Variants in OPCML observed in about 807,000 individuals in gnomAD.
OPCML encodes the protein opioid-binding protein/cell adhesion molecule.
Under a neutral mutation model 37.8 loss-of-function variants are expected in OPCML, and 13 were observed. The ratio of observed to expected loss-of-function variants is 0.34; its 90% CI spans 0.22 to 0.55. OPCML has a LOEUF of 0.55. Ranked by LOEUF, OPCML falls within the 20% of genes least tolerant of loss-of-function variation. The pLI is 0.91. For missense variants in OPCML, 341 were observed against 435.6 expected, an observed-to-expected ratio of 0.78 and a Z score of 1.93; for synonymous variants, 176 against 168.8, an observed-to-expected ratio of 1.04 and a Z score of -0.33.
At chr11:132,799,022 G>A (rs1295087002) in intron 2 of OPCML, among the ~76,000 whole-genome samples, 1 of 152,000 alleles carries the variant, frequency 6.6e-6, no homozygotes, top group Non-Finnish European at 1.5e-5. Flanking sequence ...AGTAGATTTA[G>A]CATAAATCTT....
In OPCML at chr11:132,594,342, G is replaced by T. The variant is rs532585774; in HGVS notation, c.379+62745C>A. Among the ~76,000 whole-genome samples, 8 of 152,252 alleles carry T rather than the reference G, an allele frequency of 5.3e-5. No individual in the cohort carries two copies. The South Asian group carries it at 6.2e-4, about 12-fold the overall frequency. On this transcript the variant is annotated intron_variant, in intron 3 of 7. Transcript: ENST00000524381. ...CATGCAGTCCTGGAGCAGATATGGA[G>T]ATATTGCTATCCGATGCTGTCAATA... is the stretch of plus-strand genomic sequence containing the variant.
chr11:133,212,515 C>T lies in OPCML; in HGVS notation c.62-269505G>A, dbSNP rs1389424640. The stretch of plus-strand genomic sequence containing the variant: ...ATTGTCTCATCTTCCAGAACGCCGA[C>T]CCTCGGCACCCTATTGAAGTTGTAA... On this transcript the variant is annotated intron_variant, in intron 1 of 7. Coordinates refer to ENST00000524381, the MANE Select transcript of OPCML (RefSeq NM_001012393.5). This position sits in a 1 kb window ranked among gnomAD's most constrained non-coding sequence, Gnocchi z 4.9. Among the ~76,000 whole-genome samples the T allele has an allele frequency of 6.6e-6, 1 of 152,210 alleles. No individual in the cohort carries two copies. The highest frequency in any genetic ancestry group is 1.5e-5 in the Non-Finnish European group (1 of 68,042).
intron 1 of OPCML, chr11:133,005,839 G>C (rs886232897): frequency 5.1e-6 from 5 of 985,250 alleles, no homozygotes; most frequent in Middle Eastern, 5.2e-4. Context: ...GCTGCTCTTT[G>C]CTGCCTAGGA....
At chr11:132,975,257 A>G (rs1367812285) in intron 1 of OPCML, among the ~76,000 whole-genome samples, 1 of 152,012 alleles carries the variant, frequency 6.6e-6, no homozygotes, top group African/African-American at 2.4e-5. Flanking sequence ...AAGAAAAATA[A>G]AGCAGATAAA....
chr11:133,153,272 G>A (rs915559326), intron 1 of OPCML, among the ~76,000 whole-genome samples: 1 of 151,590 alleles, frequency 6.6e-6, no homozygotes, highest in South Asian at 2.1e-4. Flanking sequence ...TGTCAGCTCC[G>A]GCATGAACCA....
intron 1 of OPCML, among the ~76,000 whole-genome samples, chr11:133,202,160 G>A (rs944300309): frequency 5.9e-5 from 9 of 152,154 alleles, no homozygotes; most frequent in Admixed American, 2.6e-4. Context: ...GGTCTCTGCC[G>A]AGGTAACGTT....
rs78053103 is a variant in OPCML at position 133,396,469 on chromosome 11, C to T, written c.61+135795G>A. 4.3e-3 allele frequency among the ~76,000 whole-genome samples: 647 copies of T among 152,166 alleles called. 4 individuals carry two copies. The highest frequency in any genetic ancestry group is 7.7e-3 in the Non-Finnish European group (521 of 67,980). ...ATGAGCAAATCCTGGCTAAGGGACA[C>T]GATTTGTCCACTTTGCTATTATCAT... On this transcript the variant is annotated intron_variant, in intron 1 of 7. Transcript: ENST00000524381.
intron 2 of OPCML, among the ~76,000 whole-genome samples, chr11:132,932,545 A>T (rs115670320): frequency 6.6e-6 from 1 of 151,864 alleles, no homozygotes; most frequent in Non-Finnish European, 1.5e-5. Flanking sequence ...TTCTGCCAAC[A>T]TAGTCACATA....
intron 1 of OPCML, among the ~76,000 whole-genome samples, chr11:133,080,790 C>A (rs1177240433): frequency 6.6e-6 from 1 of 152,120 alleles, no homozygotes; most frequent in African/African-American, 2.4e-5. Context: ...CCTTTAAACA[C>A]CTTGCAGGCA....
At chr11:133,153,275 A>G (rs937081151) in intron 1 of OPCML, among the ~76,000 whole-genome samples, 2 of 151,592 alleles carry the variant, frequency 1.3e-5, no homozygotes, top group Non-Finnish European at 3.0e-5. Flanking sequence ...CAGCTCCGGC[A>G]TGAACCACGG....
chr11:132,642,597 C>T (rs751131571), intron 3 of OPCML, among the ~76,000 whole-genome samples: 1 of 152,224 alleles, frequency 6.6e-6, no homozygotes, highest in Middle Eastern at 3.4e-3. Flanking sequence ...GCTGAACCAC[C>T]CTGGCATAAT....
At chr11:132,856,375 G>A (rs572109513) in intron 2 of OPCML, among the ~76,000 whole-genome samples, 1 of 152,180 alleles carries the variant, frequency 6.6e-6, no homozygotes, top group Non-Finnish European at 1.5e-5. Context: ...CAAAGTGATT[G>A]TGTTAGGGTA....
In OPCML at chr11:132,868,984, C is replaced by T. The variant is rs1005792638; in HGVS notation, c.146+73942G>A. On this transcript the variant is annotated intron_variant, in intron 2 of 7. Transcript: ENST00000524381. The stretch of plus-strand genomic sequence containing the variant: ...GCGCCCCTGGAGAAGCTGTGGGGAA[C>T]GTGGCCTGTTCTGAGGAATGGCATA... 3.9e-5 allele frequency among the ~76,000 whole-genome samples: 6 copies of T among 152,122 alleles called. 1 individual carries two copies. Among genetic ancestry groups the T allele is most frequent in the Admixed American group, 2.0e-4 (3 of 15,282 alleles).
intron 2 of OPCML, among the ~76,000 whole-genome samples, chr11:132,871,193 T>A (rs559456433): frequency 2.0e-5 from 3 of 149,944 alleles, no homozygotes; most frequent in South Asian, 4.2e-4. Context: ...ACTCGTTAAT[T>A]AAAATTTTTT....
chr11:133,175,657 CTT>C (rs35382294), intron 1 of OPCML, among the ~76,000 whole-genome samples: 30 of 142,420 alleles, frequency 2.1e-4, no homozygotes, highest in African/African-American at 2.8e-4. Flanking sequence ...AATTCACTGA[CTT>C]TTTTTTTTTT....
intron 1 of OPCML, among the ~76,000 whole-genome samples, chr11:133,357,444 G>A (rs887956470): frequency 6.6e-6 from 1 of 152,228 alleles, no homozygotes; most frequent in African/African-American, 2.4e-5. Context: ...AAAAGGGCAT[G>A]TGTTGGGAAA....
chr11:132,526,602 C>A (rs1401311069), intron 4 of OPCML, among the ~76,000 whole-genome samples: 1 of 152,012 alleles, frequency 6.6e-6, no homozygotes, highest in Non-Finnish European at 1.5e-5. Flanking sequence ...AAGTAAAAAG[C>A]AGCAAAAGAT....
chr11:132,548,680 C>T (rs114193816), intron 3 of OPCML, among the ~76,000 whole-genome samples: 3,169 of 152,196 alleles, frequency 0.021, 96 homozygotes, highest in African/African-American at 0.067. Flanking sequence ...GGAGAGACAC[C>T]TAACTCCCAA....
chr11:132,939,515 A>G (rs1366801374), intron 2 of OPCML, among the ~76,000 whole-genome samples: 1 of 152,216 alleles, frequency 6.6e-6, no homozygotes, highest in Non-Finnish European at 1.5e-5. Context: ...AAGAAAATCC[A>G]GTATGTTGGT....
Sources: allele counts gnomAD v4.1 joint callset (sites outside exome capture counted in the v4.1 genomes callset), GRCh38; gene constraint gnomAD v4.1.1; non-coding constraint Gnocchi (gnomAD v3.1); transcripts MANE v1.5; gene names NCBI Gene and HGNC (gene_info 2026-07-23, HGNC 2026-07-21).